VEPH1: variants seen among roughly 807,000 people sequenced by gnomAD.
The protein encoded by VEPH1 is ventricular zone expressed PH domain containing 1.
A neutral mutation model predicts 85.2 loss-of-function variants in VEPH1; 80 were observed. The observed-to-expected ratio is 0.94, with a 90% CI of 0.78 to 1.13. The LOEUF (loss-of-function observed/expected upper bound fraction) is 1.13, where lower values mean the gene tolerates loss of function less well. Among genes scored for constraint, VEPH1 ranks in the 50% most tolerant of loss-of-function variants. VEPH1 has a pLI of 0.00. For missense variants in VEPH1, 955 were observed against 980.5 expected (o/e 0.97, Z 0.35); for synonymous variants, 297 against 348.0 (o/e 0.85, Z 1.63).
chr3:157,312,381 A>G (rs914049767), intron 11 of VEPH1, among the ~76,000 whole-genome samples: 1 of 152,202 alleles, frequency 6.6e-6, no homozygotes, highest in African/African-American at 2.4e-5. Flanking sequence ...CCCTTGAGCA[A>G]TCCAGTCTTC....
rs1395885075 is a variant in VEPH1 at position 157,260,818 on chromosome 3, A to G, written c.*316T>C. 2.1e-5 allele frequency: 5 copies of G among 234,054 alleles called. No homozygotes were observed. The highest frequency in any genetic ancestry group is 1.1e-4 in the East Asian group (1 of 9,422). The allele number at this position is 234,054 out of a possible 1,614,324, so 14.5% of individuals were successfully genotyped here. A position where few individuals can be genotyped will look rare whatever the true frequency, so the allele number is the denominator to read the frequency against. On this transcript the variant is annotated 3_prime_UTR_variant, in exon 14 of 14. Transcript: ENST00000362010. ...TTGTTTTCTCACAGTTTTAAATGAC[A>G]TATCTACAGAAGTTCTTTTATCAGT...
chr3:157,477,196 T>C (rs960935868), intron 2 of VEPH1, among the ~76,000 whole-genome samples: 53 of 150,700 alleles, frequency 3.5e-4, no homozygotes, highest in Non-Finnish European at 6.6e-4. Context: ...GGGCATTTTT[T>C]TTTTTTTTAA....
intron 11 of VEPH1, among the ~76,000 whole-genome samples, chr3:157,311,671 C>T (rs1488957699): frequency 2.0e-5 from 3 of 152,042 alleles, no homozygotes; most frequent in African/African-American, 7.2e-5. Flanking sequence ...AATAAGTATA[C>T]TTGTGAGTAT....
At chr3:157,484,770 T>C (rs1560103524) in intron 2 of VEPH1, among the ~76,000 whole-genome samples, 1 of 152,144 alleles carries the variant, frequency 6.6e-6, no homozygotes, top group Non-Finnish European at 1.5e-5. Context: ...TCAAATGTAA[T>C]ATGGCAGCAA....
In VEPH1 at chr3:157,313,610, G is replaced by A. The variant is rs771338181; in HGVS notation, c.2010+11C>T. The stretch of plus-strand genomic sequence containing the variant: ...TTGGCCTGTAACATGGCCAAGGAAA[G>A]GAATATTTACCTTCTGCTGTGGAAA... On this transcript the variant is annotated intron_variant, in intron 11 of 13. Coordinates refer to ENST00000362010, the MANE Select transcript of VEPH1 (RefSeq NM_001167912.2). The A allele has an allele frequency of 6.2e-7, 1 of 1,613,190 alleles. No individual in the cohort carries two copies. The highest frequency in any genetic ancestry group is 8.5e-7 in the Non-Finnish European group (1 of 1,179,372).
chr3:157,390,598 T>C (rs1056177288), intron 6 of VEPH1, among the ~76,000 whole-genome samples: 1 of 152,176 alleles, frequency 6.6e-6, no homozygotes, highest in Admixed American at 6.6e-5. Context: ...AATAGCAAGA[T>C]AGTACATAAA....
At chr3:157,285,199 A>T (rs1172534853) in intron 12 of VEPH1, 1 of 152,192 alleles carries the variant, frequency 6.6e-6, no homozygotes, top group Non-Finnish European at 1.5e-5. Context: ...TCAATTCCCC[A>T]ATTCCTTATT....
intron 6 of VEPH1, among the ~76,000 whole-genome samples, chr3:157,412,957 A>G (rs1005784556): frequency 6.6e-6 from 1 of 152,160 alleles, no homozygotes; most frequent in Admixed American, 6.5e-5. Context: ...TACTCACTCA[A>G]TCTGAGTTTG....
At chr3:157,386,158 T>C (rs528536541) in intron 6 of VEPH1, among the ~76,000 whole-genome samples, 1 of 150,614 alleles carries the variant, frequency 6.6e-6, no homozygotes, top group East Asian at 2.0e-4. Context: ...AAGGCTCACT[T>C]CATTCATTTT....
intron 9 of VEPH1, among the ~76,000 whole-genome samples, chr3:157,334,863 G>A (rs771017821): frequency 2.0e-5 from 3 of 152,108 alleles, no homozygotes; most frequent in Admixed American, 6.5e-5. Context: ...TGGCATGTCC[G>A]AGAAGGCAGT....
chr3:157,340,075 G>C (rs1353689680), intron 9 of VEPH1, among the ~76,000 whole-genome samples: 2 of 152,214 alleles, frequency 1.3e-5, no homozygotes, highest in African/African-American at 4.8e-5. Context: ...AACAGCTCCA[G>C]TCTACAGCTC....
intron 11 of VEPH1, among the ~76,000 whole-genome samples, chr3:157,289,899 C>T (rs1472092734): frequency 6.6e-6 from 1 of 152,156 alleles, no homozygotes; most frequent in East Asian, 1.9e-4. Flanking sequence ...AAGGTGACCT[C>T]CCAGTAATTT....
At chr3:157,317,431 C>G (rs143994431) in intron 9 of VEPH1, among the ~76,000 whole-genome samples, 6 of 152,232 alleles carry the variant, frequency 3.9e-5, no homozygotes, top group East Asian at 1.9e-4. Flanking sequence ...TGTTTGAAGA[C>G]TCAGCAACTC....
chr3:157,445,802 A>AAAC (rs761084479), intron 4 of VEPH1, among the ~76,000 whole-genome samples: 13 of 152,162 alleles, frequency 8.5e-5, no homozygotes, highest in Non-Finnish European at 1.9e-4. Flanking sequence ...AAGCAAAACA[A>AAAC]AACAACAACA....
At chr3:157,449,213 A>C (rs1438928950) in intron 4 of VEPH1, among the ~76,000 whole-genome samples, 1 of 152,238 alleles carries the variant, frequency 6.6e-6, no homozygotes, top group Non-Finnish European at 1.5e-5. Flanking sequence ...ATATTTCCCT[A>C]ATAAGTATAA....
chr3:157,439,218 G>T (rs918221051), intron 4 of VEPH1, among the ~76,000 whole-genome samples: 2 of 152,156 alleles, frequency 1.3e-5, no homozygotes, highest in South Asian at 2.1e-4. Context: ...TAAAGTCATT[G>T]TACATATAAT....
In VEPH1 at chr3:157,333,320, G is replaced by A. The variant is rs751346970; in HGVS notation, c.1736-16119C>T. On this transcript the variant is annotated intron_variant, in intron 9 of 13. Transcript: ENST00000362010. ...CAGTGCTTATCCGATCACAAAATCC[G>A]CCAGGGGAAGTTCACTCGGAAGACC... 6.0e-4 allele frequency among the ~76,000 whole-genome samples: 91 copies of A among 152,094 alleles called. 1 individual carries two copies. Among genetic ancestry groups the A allele is most frequent in the South Asian group, 4.2e-4 (2 of 4,814 alleles).
At chr3:157,319,206 T>A (rs1407907821) in intron 9 of VEPH1, among the ~76,000 whole-genome samples, 1 of 152,126 alleles carries the variant, frequency 6.6e-6, no homozygotes. Flanking sequence ...AGAGGACTAG[T>A]TTTTGTGAAG....
chr3:157,476,842 C>T (rs57807854), intron 2 of VEPH1, among the ~76,000 whole-genome samples: 7,665 of 152,220 alleles, frequency 0.05, 637 homozygotes, highest in African/African-American at 0.17. Context: ...TTGGTACTCC[C>T]TTGCCCAATT....
Sources: gnomAD v4.1 joint callset for allele counts (sites outside exome capture counted in the v4.1 genomes callset) on GRCh38, gnomAD v4.1.1 for gene constraint, MANE v1.5 for transcripts, NCBI Gene and HGNC (gene_info 2026-07-23, HGNC 2026-07-21) for gene names.